The following ZNF595 variants were observed in gnomAD, a reference collection of about 807,000 sequenced individuals.
The protein encoded by ZNF595 is zinc finger protein 595.
Under a neutral mutation model 19.4 loss-of-function variants are expected in ZNF595, and 9 were observed. That is an observed-to-expected ratio of 0.46 (90% CI 0.28 to 0.81). ZNF595 has a LOEUF of 0.81. Ranked by LOEUF, ZNF595 falls within the 30% of genes least tolerant of loss-of-function variation. The pLI is 0.11. For synonymous variants in ZNF595, 255 were observed against 255.9 expected (o/e 1.00, Z 0.03); for missense variants, 729 against 736.0 (o/e 0.99, Z 0.11).
At chr4:60,625 T>A in intron 3 of ZNF595, 1 of 377,302 alleles carries the variant, frequency 2.7e-6, no homozygotes, top group Non-Finnish European at 5.1e-6. Flanking sequence ...TTTTTTTAAT[T>A]ATACTTTAAG....
At chr4:78,128 C>T (rs182875749) in intron 3 of ZNF595, among the ~76,000 whole-genome samples, 1 of 152,306 alleles carries the variant, frequency 6.6e-6, no homozygotes, top group East Asian at 1.9e-4. Flanking sequence ...CCTGTCTCAG[C>T]CTCCCGAGTA....
intron 3 of ZNF595, among the ~76,000 whole-genome samples, chr4:73,886 G>A (rs530471397): frequency 3.3e-5 from 5 of 152,264 alleles, no homozygotes; most frequent in East Asian, 1.9e-4. Context: ...AAGCAATATT[G>A]TGGAACTGAG....
intron 3 of ZNF595, among the ~76,000 whole-genome samples, chr4:75,492 ATAACT>A (rs1713618057): frequency 6.6e-6 from 1 of 152,218 alleles, no homozygotes; most frequent in Non-Finnish European, 1.5e-5. Context: ...TCATGACCTA[ATAACT>A]TAAGGGTCTC....
intron 3 of ZNF595, among the ~76,000 whole-genome samples, chr4:77,592 A>T (rs1713725240): frequency 6.6e-6 from 1 of 152,128 alleles, no homozygotes; most frequent in African/African-American, 2.4e-5. Context: ...TGGGCTGATG[A>T]TATTTCCACT....
Position 80,499 on chromosome 4 carries a change from C to G in ZNF595, c.227-5232C>G, listed in dbSNP as rs565170058. On this transcript the variant is annotated intron_variant, in intron 3 of 3. Coordinates refer to ENST00000610261, the MANE Select transcript of ZNF595 (RefSeq NM_182524.4). ...GCATCCGTGTGAAAAGACCACCAAACGGGCTTTGTGTGAGCAGTAAAGCTT... is the reference window on the plus strand; with the variant it reads ...GCATCCGTGTGAAAAGACCACCAAAGGGGCTTTGTGTGAGCAGTAAAGCTT... Among the ~76,000 whole-genome samples the G allele has an allele frequency of 1.4e-4, 22 of 152,210 alleles. No homozygotes were observed. The East Asian group carries it at 4.3e-3, about 29-fold the overall frequency.
At position 85,897 on chromosome 4, in the gene ZNF595, T is replaced by G; in HGVS notation, c.393T>G (p.Asn131Lys). 6.2e-7 allele frequency: 1 copy of G among 1,614,056 alleles called. No homozygotes were observed. The highest frequency in any genetic ancestry group is 1.1e-5 in the South Asian group (1 of 91,070). ...GTAAGGTGCAGAAAGGAGTTAATAA[T>G]GGAGTTTACCAGTGCTTGTCAACTA... The part of the protein sequence containing the change: ...NECKVQKGVN[N>K]GVYQCLSTTQ... The change falls in exon 4 of 4, where the codon AAT (asparagine) becomes AAG (lysine). Residue 131 changes from asparagine (N) to lysine (K), a missense_variant. Asn to Lys is a moderately conservative substitution (Grantham distance 94). Transcript: ENST00000610261.
intron 3 of ZNF595, among the ~76,000 whole-genome samples, chr4:60,676 C>T (rs1369945318): frequency 5.3e-4 from 80 of 149,890 alleles, no homozygotes; most frequent in African/African-American, 1.9e-3. Flanking sequence ...TAGTGACATA[C>T]GTATACATGT....
chr4:85,520 C>T (rs1448470141), intron 3 of ZNF595, among the ~76,000 whole-genome samples: 10 of 152,020 alleles, frequency 6.6e-5, no homozygotes, highest in East Asian at 1.9e-4. Context: ...TTACCTGAGG[C>T]GTTGCATACA....
At chr4:70,612 A>G (rs1581373131) in intron 3 of ZNF595, among the ~76,000 whole-genome samples, 1 of 152,224 alleles carries the variant, frequency 6.6e-6, no homozygotes, top group East Asian at 1.9e-4. Context: ...TTCTGGGATT[A>G]GGCATGAGTC....
intron 3 of ZNF595, among the ~76,000 whole-genome samples, chr4:72,156 T>G (rs6839041): frequency 0.34 from 51,054 of 151,996 alleles, 9,092 homozygotes; most frequent in South Asian, 0.48. Flanking sequence ...GCATTCTATT[T>G]GTAGAGCTTG....
intron 3 of ZNF595, among the ~76,000 whole-genome samples, chr4:74,810 C>T (rs1008467397): frequency 2.4e-4 from 36 of 152,096 alleles, no homozygotes; most frequent in African/African-American, 8.0e-4. Context: ...GTGTCAGTGG[C>T]GGAGAGGTGA....
At position 86,918 on chromosome 4, in the gene ZNF595, A is replaced by C; in HGVS notation, c.1414A>C (p.Lys472Gln). 1.2e-6 allele frequency: 2 copies of C among 1,611,024 alleles called. No individual in the cohort carries two copies. The highest frequency in any genetic ancestry group is 1.7e-6 in the Non-Finnish European group (2 of 1,178,174). ...GTCCACAACACTGAACGAACATAAG[A>C]AAATTCATACTGGCGAGAAACCCTA... The part of the protein sequence containing the change: ...TRSTTLNEHK[K>Q]IHTGEKPYKC... Residue 472 changes from lysine (K) to glutamine (Q), a missense_variant, in exon 4 of 4, where the codon AAA becomes CAA. Physicochemically the swap from Lys to Gln is moderately conservative, Grantham distance 53 (BLOSUM62 1). Around this residue, in one of 2 missense-constraint regions of ZNF595, gnomAD observed 729 missense variants for 675.3 expected, o/e 1.08. Coordinates refer to ENST00000610261, the MANE Select transcript of ZNF595 (RefSeq NM_182524.4).
chr4:72,697 G>A (rs1309233248), intron 3 of ZNF595, among the ~76,000 whole-genome samples: 1 of 145,918 alleles, frequency 6.9e-6, no homozygotes, highest in Non-Finnish European at 1.5e-5. Context: ...GTTGAAGTAT[G>A]AAATGTAAGT....
chr4:82,372 G>T (rs111669225), intron 3 of ZNF595, among the ~76,000 whole-genome samples: 12,141 of 85,564 alleles, frequency 0.14, 905 homozygotes, highest in South Asian at 0.26. Context: ...TTGGTTTGTG[G>T]TTTTTTTTTT....
At chr4:77,993 C>T (rs1428636094) in intron 3 of ZNF595, among the ~76,000 whole-genome samples, 1 of 151,876 alleles carries the variant, frequency 6.6e-6, no homozygotes, top group Non-Finnish European at 1.5e-5. Flanking sequence ...CCAAAGTCTT[C>T]AGGGTTTTTT....
intron 3 of ZNF595, among the ~76,000 whole-genome samples, chr4:70,204 C>T (rs1337787548): frequency 6.6e-6 from 1 of 152,072 alleles, no homozygotes; most frequent in Non-Finnish European, 1.5e-5. Flanking sequence ...TTGATTGAAT[C>T]CCTACAGTTT....
rs184748431 is a variant in ZNF595 at position 82,437 on chromosome 4, G to A, written c.227-3294G>A. On this transcript the variant is annotated intron_variant, in intron 3 of 3. Coordinates refer to ENST00000610261, the MANE Select transcript of ZNF595 (RefSeq NM_182524.4). Reference sequence around the variant, plus strand: ...TCACTCTTGTTGCCCAAGCTGGAGTGCAACAGCGTGATCTCAGCTCACCAC... The same window carrying A: ...TCACTCTTGTTGCCCAAGCTGGAGTACAACAGCGTGATCTCAGCTCACCAC... 4.9e-4 allele frequency among the ~76,000 whole-genome samples: 64 copies of A among 129,766 alleles called. 1 individual carries two copies. The highest frequency in any genetic ancestry group is 4.6e-3 in the Middle Eastern group (1 of 218). The allele number at this position is 129,766 out of a possible 152,430, so 85.1% of individuals were successfully genotyped here. A position where few individuals can be genotyped will look rare whatever the true frequency, so the allele number is the denominator to read the frequency against.
At chr4:80,749 G>T (rs1713872711) in intron 3 of ZNF595, among the ~76,000 whole-genome samples, 1 of 152,188 alleles carries the variant, frequency 6.6e-6, no homozygotes, top group South Asian at 2.1e-4. Context: ...GCAGGAAGCA[G>T]CCATTTTCAC....
At chr4:66,694 G>C (rs1172332937) in intron 3 of ZNF595, among the ~76,000 whole-genome samples, 1 of 152,178 alleles carries the variant, frequency 6.6e-6, no homozygotes, top group Non-Finnish European at 1.5e-5. Context: ...CTATTGAAGA[G>C]ACTGTCTTTC....
Sources: gnomAD v4.1 joint callset for allele counts (sites outside exome capture counted in the v4.1 genomes callset) on GRCh38, gnomAD v4.1.1 for gene constraint, gnomAD v4.1.1 regional missense constraint, MANE v1.5 for transcripts, NCBI Gene and HGNC (gene_info 2026-07-23, HGNC 2026-07-21) for gene names.